Variants in IQSEC1 observed in about 807,000 individuals in gnomAD.
IQSEC1 encodes IQ motif and Sec7 domain ArfGEF 1, also known as IQ motif and SEC7 domain-containing protein 1.
In IQSEC1, 31 loss-of-function variants were observed where a neutral mutation model predicts 91.0. The observed-to-expected ratio is 0.34, with a 90% CI of 0.26 to 0.46. The LOEUF (loss-of-function observed/expected upper bound fraction) is 0.46, where lower values mean the gene tolerates loss of function less well. IQSEC1 is among the 20% of genes least tolerant of loss of function. The pLI is 1.00. For synonymous variants in IQSEC1, 699 were observed against 662.6 expected (o/e 1.05, Z -0.84); for missense variants, 1,388 against 1,575.6 (o/e 0.88, Z 2.02).
chr3:12,902,669 CCAAAAAAAAAAAAAAAAAAAAAA>C, intron 13 of IQSEC1, 81 bp downstream of exon 13: 1 of 328,166 alleles, frequency 3.0e-6, no homozygotes, highest in Non-Finnish European at 5.2e-6. Context: ...AAAAAAAAAA[CCAAAAAAAAAAAAAAAAAAAAAA>C]AACCAGGACA....
At chr3:13,157,192 T>C (rs1384032682) in intron 2 of IQSEC1, among the ~76,000 whole-genome samples, 1 of 152,230 alleles carries the variant, frequency 6.6e-6, no homozygotes, top group Non-Finnish European at 1.5e-5. Flanking sequence ...AGACAAGGCT[T>C]ACCAAATGTA....
intron 1 of IQSEC1, among the ~76,000 whole-genome samples, chr3:13,232,004 C>T (rs1694846390): frequency 2.0e-5 from 3 of 152,208 alleles, no homozygotes; most frequent in South Asian, 2.1e-4. Flanking sequence ...AGAAACATGC[C>T]GGGCCCCAAC....
At chr3:12,947,598 C>A (rs1479429397) in intron 1 of IQSEC1, among the ~76,000 whole-genome samples, 1 of 152,164 alleles carries the variant, frequency 6.6e-6, no homozygotes, top group Non-Finnish European at 1.5e-5. Context: ...ATGGGAATGG[C>A]CATGAGCAGG....
rs1450320450 is a variant in IQSEC1, at chr3:13,207,735, C to A, written c.273-43602G>T. 6.6e-6 allele frequency among the ~76,000 whole-genome samples: 1 copy of A among 152,202 alleles called. No homozygotes were observed. ...CTGCCATCAGCCGGCCACGCCATCG[C>A]CAGCTCTCCCGGGAGGCTCTCTCTC... On this transcript the variant is annotated intron_variant, in intron 1 of 15. Transcript: ENST00000648114. The surrounding 1 kb of genome is among the most constrained non-coding windows in gnomAD (Gnocchi z 4.8).
chr3:13,034,691 G>T (rs1240707525), intron 1 of IQSEC1, among the ~76,000 whole-genome samples: 1 of 152,168 alleles, frequency 6.6e-6, no homozygotes, highest in Non-Finnish European at 1.5e-5. Flanking sequence ...CTGGATGCTT[G>T]ATTCTCATTC....
intron 1 of IQSEC1, among the ~76,000 whole-genome samples, chr3:13,042,888 G>C (rs1012466814): frequency 1.3e-5 from 2 of 152,186 alleles, no homozygotes; most frequent in African/African-American, 4.8e-5. Context: ...GAGGGGGCCA[G>C]ATGACAGGCA....
chr3:12,927,863 G>C (rs1205680960), intron 3 of IQSEC1, among the ~76,000 whole-genome samples: 1 of 152,232 alleles, frequency 6.6e-6, no homozygotes, highest in Non-Finnish European at 1.5e-5. Flanking sequence ...TGAGGACAAA[G>C]GTGCTGAGGT....
rs567030178 is a variant in IQSEC1 at position 13,041,663 on chromosome 3, C to A, written c.23+31329G>T. ...GACAGAACACACACGCTCGGAAGAA[C>A]CTGCCGGAGGTATGAACATTCGGGC... is the stretch of plus-strand genomic sequence containing the variant. On this transcript the variant is annotated intron_variant, in intron 1 of 13. Coordinates refer to ENST00000613206, the MANE Select transcript of IQSEC1 (RefSeq NM_001134382.3). Among the ~76,000 whole-genome samples the A allele has an allele frequency of 2.5e-4, 38 of 152,306 alleles. No individual in the cohort carries two copies. In the South Asian group the frequency reaches 6.8e-3, roughly 27 times the overall value.
intron 2 of IQSEC1, among the ~76,000 whole-genome samples, chr3:13,119,829 G>A (rs768502714): frequency 1.5e-4 from 23 of 152,176 alleles, no homozygotes; most frequent in Non-Finnish European, 2.6e-4. Flanking sequence ...TTGTTACATG[G>A]CACTGTCTCT....
In IQSEC1 at chr3:12,972,141, C is replaced by T. The variant is rs531053142; in HGVS notation, c.24-30276G>A. 1.9e-3 allele frequency among the ~76,000 whole-genome samples: 292 copies of T among 150,616 alleles called. 1 individual carries two copies. The highest frequency in any genetic ancestry group is 6.7e-3 in the African/African-American group (274 of 40,942). Reference sequence around the variant, plus strand: ...CCTGGGCAACATGTCAAAATCCCATCTCTACAAAAAAACAGAAAAAGTAGC... The same window carrying T: ...CCTGGGCAACATGTCAAAATCCCATTTCTACAAAAAAACAGAAAAAGTAGC... On this transcript the variant is annotated intron_variant, in intron 1 of 13. Coordinates refer to ENST00000613206, the MANE Select transcript of IQSEC1 (RefSeq NM_001134382.3).
At chr3:12,988,931 C>T (rs1019603101) in intron 1 of IQSEC1, among the ~76,000 whole-genome samples, 2 of 152,178 alleles carry the variant, frequency 1.3e-5, no homozygotes, top group African/African-American at 4.8e-5. Context: ...TCTCTTATGT[C>T]ACAGACAAGA....
At chr3:13,050,299 C>G (rs1220652704) in intron 1 of IQSEC1, among the ~76,000 whole-genome samples, 1 of 152,140 alleles carries the variant, frequency 6.6e-6, no homozygotes, top group Admixed American at 6.5e-5. Flanking sequence ...AGGCCAGGAA[C>G]AGGCCCCAGC....
intron 1 of IQSEC1, among the ~76,000 whole-genome samples, chr3:12,942,614 A>G (rs894084455): frequency 1.3e-5 from 2 of 151,988 alleles, no homozygotes; most frequent in African/African-American, 2.4e-5. Flanking sequence ...AAAAAAAAAA[A>G]GAAAAGCCCC....
intron 2 of IQSEC1, among the ~76,000 whole-genome samples, chr3:13,111,958 C>G (rs1263920810): frequency 6.6e-6 from 1 of 152,184 alleles, no homozygotes; most frequent in Non-Finnish European, 1.5e-5. Flanking sequence ...TTTTCTACAG[C>G]ATCCCCTGCC....
At chr3:13,225,530 G>A (rs1283990510) in intron 1 of IQSEC1, among the ~76,000 whole-genome samples, 2 of 152,204 alleles carry the variant, frequency 1.3e-5, no homozygotes, top group Non-Finnish European at 2.9e-5. Context: ...CACTTGGCAG[G>A]TGGTAAGTAC....
upstream of IQSEC1, among the ~76,000 whole-genome samples, chr3:13,075,195 C>T (rs1233659741): frequency 2.0e-5 from 3 of 152,162 alleles, no homozygotes; most frequent in Non-Finnish European, 2.9e-5. Flanking sequence ...ATTTTAATAA[C>T]ATCAAAATTC....
At position 12,903,867 on chromosome 3, in the gene IQSEC1, C is replaced by T. The variant is rs778603243; in HGVS notation, c.2756-1045G>A. On this transcript the variant is annotated intron_variant, in intron 12 of 13. Transcript: ENST00000613206. ...GCGCTGGACATGTCAACCCTATAGG[C>T]GCCACTGTGTCCATATCAGAGAGAG... Among the ~76,000 whole-genome samples, 3 of 152,334 alleles carry T rather than the reference C, an allele frequency of 2.0e-5. 1 individual carries two copies. The highest frequency in any genetic ancestry group is 1.5e-5 in the Non-Finnish European group (1 of 68,026).
chr3:13,131,948 A>T lies in IQSEC1; in HGVS notation c.302+32156T>A, dbSNP rs375544259. 1.2e-3 allele frequency among the ~76,000 whole-genome samples: 185 copies of T among 152,272 alleles called. 3 individuals are homozygous for T. In the South Asian group the frequency reaches 0.018, roughly 15 times the overall value. ...CATGGAATATAGTTATAATTGCTAT[A>T]TTAGTGGGCTTTTCTGCTAATTCTA... On this transcript the variant is annotated intron_variant, in intron 2 of 15. Coordinates refer to the IQSEC1 transcript ENST00000648114.
intron 2 of IQSEC1, among the ~76,000 whole-genome samples, chr3:13,083,987 A>G (rs11923740): frequency 0.3 from 45,816 of 152,046 alleles, 6,952 homozygotes; most frequent in Middle Eastern, 0.33. Context: ...CAGGGAGGTG[A>G]GGGGAAGGGG....
Sources: allele counts gnomAD v4.1 joint callset (sites outside exome capture counted in the v4.1 genomes callset), GRCh38; gene constraint gnomAD v4.1.1; non-coding constraint Gnocchi (gnomAD v3.1); transcripts MANE v1.5; gene names NCBI Gene and HGNC (gene_info 2026-07-23, HGNC 2026-07-21).